The following ENY2 variants were observed in gnomAD, a reference collection of about 807,000 sequenced individuals.
ENY2 encodes ENY2 transcription and export complex 2 subunit, also known as transcription and mRNA export factor ENY2.
ENY2 carries 4 observed loss-of-function variants against 15.9 expected under a neutral mutation model. The observed-to-expected ratio is 0.25, with a 90% confidence interval of 0.12 to 0.57. ENY2 has a LOEUF of 0.57. Ranked by LOEUF, ENY2 falls within the 20% of genes least tolerant of loss-of-function variation. The pLI is 0.91. For synonymous variants in ENY2, 48 were observed against 38.0 expected (o/e 1.26, Z -0.97); for missense variants, 54 against 117.2 (o/e 0.46, Z 2.49).
intron 4 of ENY2, 64 bp downstream of exon 4, chr8:109,340,627 C>T: frequency 6.3e-7 from 1 of 1,588,116 alleles, no homozygotes; most frequent in Non-Finnish European, 8.6e-7. Flanking sequence ...AAATCTCTTG[C>T]TGGTTCAGAT....
intron 2 of ENY2, chr8:109,336,408 G>A: frequency 1.9e-6 from 1 of 518,654 alleles, no homozygotes; most frequent in Admixed American, 3.4e-5. Flanking sequence ...AGAAAGATGA[G>A]CAAGATATGG....
intron 2 of ENY2, chr8:109,338,980 T>C (rs1458918): frequency 0.63 from 140,132 of 221,544 alleles, 45,586 homozygotes; most frequent in African/African-American, 0.8. Context: ...AGTTAATACT[T>C]TCTAGATGTT....
At chr8:109,342,483 A>G (rs1320914619) in intron 4 of ENY2, among the ~76,000 whole-genome samples, 3 of 148,350 alleles carry the variant, frequency 2.0e-5, no homozygotes, top group Non-Finnish European at 3.0e-5. Flanking sequence ...ATATAAATGT[A>G]TATTTTTATA....
chr8:109,339,963 A>T (rs1398657350), intron 3 of ENY2, among the ~76,000 whole-genome samples: 1 of 152,222 alleles, frequency 6.6e-6, no homozygotes, highest in African/African-American at 2.4e-5. Flanking sequence ...CTATATGTTA[A>T]CTGTAAGAAG....
chr8:109,345,268 A>T lies in ENY2; in HGVS notation c.*1787A>T, dbSNP rs892073261. 7 of 152,330 alleles carry T rather than the reference A, an allele frequency of 4.6e-5. No individual in the cohort carries two copies. Among genetic ancestry groups the T allele is most frequent in the Admixed American group, 1.3e-4 (2 of 15,298 alleles). The allele number at this position is 152,330 out of a possible 1,614,324, so 9.4% of individuals were successfully genotyped here. A position where few individuals can be genotyped will look rare whatever the true frequency, so the allele number is the denominator to read the frequency against. On this transcript the variant is annotated 3_prime_UTR_variant, in exon 5 of 5. Coordinates refer to ENST00000521688, the MANE Select transcript of ENY2 (RefSeq NM_020189.6). ...TGGAAAGGAGGAAATGACTTCTCTG[A>T]CTTTGTATGATGCTTATTTGTGGAT...
intron 3 of ENY2, 149 bp downstream of exon 3, chr8:109,339,539 A>G (rs758635746): frequency 9.2e-5 from 58 of 628,850 alleles, no homozygotes; most frequent in African/African-American, 2.5e-4. Context: ...TCTTGGTGGC[A>G]TATGTAGACC....
Position 109,343,449 on chromosome 8 carries a change from A to C in ENY2, c.274A>C (p.Arg92=). The change falls in exon 5 of 5, where the codon AGA becomes CGA. Residue 92 remains arginine (R), a synonymous_variant. Transcript: ENST00000521688. ...AAAGAAGGAGCTCCTACAAAGAATA[A>C]GAACATTCCTTGCTCAGCATGCCAG... ...SVKKELLQRI[R]TFLAQHASL 6.2e-7 allele frequency: 1 copy of C among 1,613,106 alleles called. No homozygotes were observed. The highest frequency in any genetic ancestry group is 8.5e-7 in the Non-Finnish European group (1 of 1,179,632).
intron 1 of ENY2, chr8:109,334,804 A>G: frequency 2.4e-6 from 1 of 408,906 alleles, no homozygotes. Flanking sequence ...GTATTTTAGG[A>G]GCCAAGACGA....
chr8:109,342,447 T>C (rs763421187), intron 4 of ENY2, among the ~76,000 whole-genome samples: 3 of 150,254 alleles, frequency 2.0e-5, no homozygotes, highest in Non-Finnish European at 3.0e-5. Context: ...ATATATATTA[T>C]GTATGTTTAT....
At chr8:109,337,799 T>C (rs1210231553) in intron 2 of ENY2, among the ~76,000 whole-genome samples, 1 of 151,958 alleles carries the variant, frequency 6.6e-6, no homozygotes, top group South Asian at 2.1e-4. Context: ...CTCAGGAGGC[T>C]GAGGCAGGTG....
At chr8:109,338,089 G>C (rs7818929) in intron 2 of ENY2, among the ~76,000 whole-genome samples, 25,670 of 152,000 alleles carry the variant, frequency 0.17, 2,330 homozygotes, top group South Asian at 0.23. Flanking sequence ...CATGTAGGCT[G>C]TAATAAAGTC....
chr8:109,341,480 T>G (rs190520704), intron 4 of ENY2, among the ~76,000 whole-genome samples: 1 of 152,292 alleles, frequency 6.6e-6, no homozygotes, highest in East Asian at 1.9e-4. Context: ...ATTCCCCTTA[T>G]GAATTTATAT....
chr8:109,337,886 T>G, intron 2 of ENY2, among the ~76,000 whole-genome samples: 1 of 148,740 alleles, frequency 6.7e-6, no homozygotes, highest in Admixed American at 6.7e-5. Context: ...GTGATAAGAG[T>G]GAAACTCCGT....
chr8:109,334,379 AAG>A lies in ENY2; in HGVS notation c.-89_-88del. The A allele has an allele frequency of 6.3e-7, 1 of 1,589,214 alleles. No individual in the cohort carries two copies. Among genetic ancestry groups the A allele is most frequent in the Non-Finnish European group, 8.6e-7 (1 of 1,161,566 alleles). On this transcript the variant is annotated 5_prime_UTR_variant, in exon 1 of 5. Transcript: ENST00000521688. ...TAGGTGCCCGAGCTACTGAGGGTCT[AAG>A]TCCGGGCAGCCGAAGAGTGTGGTAG...
At position 109,339,278 on chromosome 8, in the gene ENY2, T is replaced by A. The variant is rs369200788; in HGVS notation, c.84-42T>A. On this transcript the variant is annotated intron_variant, in intron 2 of 4. Transcript: ENST00000521688. Reference sequence around the variant, plus strand: ...TTGCTTCATACATTCCTGTCTAAGATGTTATACATTGTTCAATTTGAAAAC... The same window carrying A: ...TTGCTTCATACATTCCTGTCTAAGAAGTTATACATTGTTCAATTTGAAAAC... 2.4e-4 allele frequency: 373 copies of A among 1,565,852 alleles called. 1 individual carries two copies. Among genetic ancestry groups the A allele is most frequent in the South Asian group, 2.3e-4 (21 of 89,374 alleles).
Position 109,345,081 on chromosome 8 carries a change from A to G in ENY2, c.*1600A>G, listed in dbSNP as rs878882660. ...TTTGAACCCAGAAGCCCCCTTTCTC[A>G]TATGTTTCTCATTCCTGTTTGCCCT... On this transcript the variant is annotated 3_prime_UTR_variant, in exon 5 of 5. Coordinates refer to ENST00000521688, the MANE Select transcript of ENY2 (RefSeq NM_020189.6). The G allele has an allele frequency of 6.6e-6, 1 of 152,144 alleles. No individual in the cohort carries two copies. The highest frequency in any genetic ancestry group is 2.1e-4 in the South Asian group (1 of 4,818). 9.4% of individuals were successfully genotyped at this position (152,144 alleles called of 1,614,324 possible). A position where few individuals can be genotyped will look rare whatever the true frequency, so the allele number is the denominator to read the frequency against.
At position 109,336,218 on chromosome 8, in the gene ENY2, T is replaced by C. The variant is rs1481073997; in HGVS notation, c.83+14T>C. 2.5e-6 allele frequency: 4 copies of C among 1,603,898 alleles called. No individual in the cohort carries two copies. The highest frequency in any genetic ancestry group is 3.4e-6 in the Non-Finnish European group (4 of 1,172,876). ...AGAAAGAGAACGGTAAGTAATAGAT[T>C]GTGTTAATAAATTACATTTCACCGC... On this transcript the variant is annotated intron_variant, in intron 2 of 4. Transcript: ENST00000521688.
chr8:109,337,699 T>G (rs1816019392), intron 2 of ENY2, among the ~76,000 whole-genome samples: 1 of 150,644 alleles, frequency 6.6e-6, no homozygotes, highest in Admixed American at 6.6e-5. Flanking sequence ...GTCAGGAGAT[T>G]GAGACTATCC....
chr8:109,345,084 T>G lies in ENY2; in HGVS notation c.*1603T>G, dbSNP rs1021855665. On this transcript the variant is annotated 3_prime_UTR_variant, in exon 5 of 5. Transcript: ENST00000521688. ...GAACCCAGAAGCCCCCTTTCTCATA[T>G]GTTTCTCATTCCTGTTTGCCCTTCA... The G allele has an allele frequency of 6.6e-6, 1 of 152,220 alleles. No individual in the cohort carries two copies. The highest frequency in any genetic ancestry group is 1.5e-5 in the Non-Finnish European group (1 of 68,070). The allele number at this position is 152,220 out of a possible 1,614,324, so 9.4% of individuals were successfully genotyped here. A position where few individuals can be genotyped will look rare whatever the true frequency, so the allele number is the denominator to read the frequency against.
Sources: gnomAD v4.1 joint callset for allele counts (sites outside exome capture counted in the v4.1 genomes callset) on GRCh38, gnomAD v4.1.1 for gene constraint, MANE v1.5 for transcripts, NCBI Gene and HGNC (gene_info 2026-07-23, HGNC 2026-07-21) for gene names.